Variants in DGKI observed in about 807,000 individuals in gnomAD.
DGKI encodes the protein diacylglycerol kinase iota.
DGKI carries 55 observed loss-of-function variants against 147.5 expected under a neutral mutation model. That is an observed-to-expected ratio of 0.37 (90% CI 0.30 to 0.47). DGKI has a LOEUF of 0.47. DGKI is among the 20% of genes least tolerant of loss of function. The pLI, the probability that DGKI is intolerant of heterozygous loss-of-function variation, is 1.00. For synonymous variants in DGKI, 469 were observed against 477.1 expected (o/e 0.98, Z 0.22); for missense variants, 1,007 against 1,323.8 (o/e 0.76, Z 3.71).
intron 20 of DGKI, among the ~76,000 whole-genome samples, chr7:137,528,632 C>A (rs1447060277): frequency 6.6e-6 from 1 of 152,082 alleles, no homozygotes; most frequent in Non-Finnish European, 1.5e-5. Context: ...TTCTTCCAGC[C>A]CTTCTTATAA....
chr7:137,441,903 C>T (rs1417406676), intron 28 of DGKI, among the ~76,000 whole-genome samples: 3 of 152,046 alleles, frequency 2.0e-5, no homozygotes, highest in Non-Finnish European at 4.4e-5. Context: ...AAGATTGATG[C>T]TATAACATTC....
At chr7:137,728,531 G>A (rs1794777287) in intron 1 of DGKI, among the ~76,000 whole-genome samples, 1 of 152,162 alleles carries the variant, frequency 6.6e-6, no homozygotes, top group African/African-American at 2.4e-5. Context: ...CATGGGAAAA[G>A]ATGAAGGAAA....
chr7:137,405,430 G>A (rs1442578099), intron 30 of DGKI, among the ~76,000 whole-genome samples: 1 of 152,030 alleles, frequency 6.6e-6, no homozygotes, highest in African/African-American at 2.4e-5. Flanking sequence ...GTGAAACTGG[G>A]GTTCTTAAGA....
intron 1 of DGKI, among the ~76,000 whole-genome samples, chr7:137,809,360 A>C (rs1797488560): frequency 6.6e-6 from 1 of 152,202 alleles, no homozygotes; most frequent in Admixed American, 6.5e-5. Context: ...TGAAAGCCTG[A>C]TCTGAAGCAA....
chr7:137,700,680 C>T (rs147259663), intron 1 of DGKI, among the ~76,000 whole-genome samples: 5,443 of 152,066 alleles, frequency 0.036, 304 homozygotes, highest in African/African-American at 0.12. Context: ...GAGTTTGAGA[C>T]CAGCCTGGCC....
At chr7:137,729,101 T>C (rs1794795935) in intron 1 of DGKI, among the ~76,000 whole-genome samples, 1 of 147,326 alleles carries the variant, frequency 6.8e-6, no homozygotes, top group African/African-American at 2.7e-5. Context: ...GGAATTAGAA[T>C]CATTGAGAAA....
chr7:137,809,895 C>T (rs1453730233), intron 1 of DGKI, among the ~76,000 whole-genome samples: 3 of 150,412 alleles, frequency 2.0e-5, no homozygotes, highest in Non-Finnish European at 4.4e-5. Context: ...CAGCGCAAAA[C>T]CCAGTTGGAA....
At chr7:137,397,651 A>T (rs1811602553) in intron 30 of DGKI, among the ~76,000 whole-genome samples, 1 of 152,246 alleles carries the variant, frequency 6.6e-6, no homozygotes, top group Non-Finnish European at 1.5e-5. Flanking sequence ...TCTGCTGTCA[A>T]GCAGCTTTCG....
In DGKI at chr7:137,772,854, G is replaced by C. The variant is rs1796248651; in HGVS notation, c.401+73608C>G. ...ACAGACAAGCTTTCTTCTCCACTTA[G>C]GATGATGAAGGCATAAGTCAGTGTG... On this transcript the variant is annotated intron_variant, in intron 1 of 32. Coordinates refer to ENST00000614521, the MANE Select transcript of DGKI (RefSeq NM_001321708.2). Among the ~76,000 whole-genome samples, 3 of 152,154 alleles carry C rather than the reference G, an allele frequency of 2.0e-5. No individual in the cohort carries two copies. In the South Asian group the frequency reaches 6.2e-4, roughly 32 times the overall value.
In DGKI at chr7:137,430,070, C is replaced by T. The variant is rs1187145992; in HGVS notation, c.2761+14007G>A. ...CATTACTGGGTATATACCCAAAGGA[C>T]TATAAATCATGCTGCTATAAAGACA... is the stretch of plus-strand genomic sequence containing the variant. On this transcript the variant is annotated intron_variant, in intron 28 of 32. Transcript: ENST00000614521. 5.2e-4 allele frequency among the ~76,000 whole-genome samples: 61 copies of T among 117,574 alleles called. 6 individuals carry two copies. Among genetic ancestry groups the T allele is most frequent in the Non-Finnish European group, 9.4e-4 (54 of 57,164 alleles). 77.1% of individuals were successfully genotyped at this position (117,574 alleles called of 152,430 possible).
intron 20 of DGKI, among the ~76,000 whole-genome samples, chr7:137,534,503 T>A (rs1395162471): frequency 6.6e-6 from 1 of 152,056 alleles, no homozygotes; most frequent in Non-Finnish European, 1.5e-5. Context: ...TGAACAAAAA[T>A]TTAAAGTACA....
intron 1 of DGKI, among the ~76,000 whole-genome samples, chr7:137,700,288 T>C (rs553748135): frequency 3.9e-5 from 6 of 152,244 alleles, no homozygotes; most frequent in African/African-American, 1.2e-4. Context: ...AACACAGCAT[T>C]ACCTGATCTC....
At chr7:137,729,559 T>C (rs1374490168) in intron 1 of DGKI, among the ~76,000 whole-genome samples, 1 of 152,152 alleles carries the variant, frequency 6.6e-6, no homozygotes, top group Non-Finnish European at 1.5e-5. Context: ...CACAGACTTT[T>C]TCAATAAAAT....
chr7:137,705,886 C>A (rs1794006171), intron 1 of DGKI, among the ~76,000 whole-genome samples: 1 of 151,658 alleles, frequency 6.6e-6, no homozygotes, highest in South Asian at 2.1e-4. Flanking sequence ...AAGATATAAC[C>A]CTGAGAGAGG....
intron 1 of DGKI, among the ~76,000 whole-genome samples, chr7:137,744,512 A>T (rs969863347): frequency 6.6e-6 from 1 of 152,190 alleles, no homozygotes; most frequent in African/African-American, 2.4e-5. Flanking sequence ...TTCCAAAAAA[A>T]TCAAGGAGGG....
chr7:137,623,992 C>G (rs1273804153), intron 6 of DGKI, among the ~76,000 whole-genome samples: 2 of 151,700 alleles, frequency 1.3e-5, no homozygotes, highest in East Asian at 3.9e-4. Context: ...AATGAAATAT[C>G]AGAGAGACAA....
intron 28 of DGKI, among the ~76,000 whole-genome samples, chr7:137,422,579 ATTTTCTTTTTCTTTTC>A (rs1812614074): frequency 1.9e-5 from 2 of 107,948 alleles, no homozygotes; most frequent in Non-Finnish European, 4.2e-5. Context: ...TTTGTAAAGC[ATTTTCTTTTTCTTTTC>A]TTTTTTTTTT....
intron 10 of DGKI, among the ~76,000 whole-genome samples, chr7:137,603,303 C>T (rs1041790789): frequency 1.3e-5 from 2 of 152,148 alleles, no homozygotes; most frequent in Non-Finnish European, 2.9e-5. Flanking sequence ...AGCACCATAA[C>T]TCTAGTGTAG....
intron 1 of DGKI, among the ~76,000 whole-genome samples, chr7:137,745,099 A>G (rs1795284738): frequency 6.6e-6 from 1 of 152,198 alleles, no homozygotes; most frequent in Non-Finnish European, 1.5e-5. Flanking sequence ...ATCTAAAATA[A>G]TATTTTAAAA....
Sources: gnomAD v4.1 joint callset for allele counts (sites outside exome capture counted in the v4.1 genomes callset) on GRCh38, gnomAD v4.1.1 for gene constraint, MANE v1.5 for transcripts, NCBI Gene and HGNC (gene_info 2026-07-23, HGNC 2026-07-21) for gene names.